C2orf76: variants seen among roughly 807,000 people sequenced by gnomAD.
C2orf76 encodes the protein chromosome 2 open reading frame 76.
In C2orf76, 23 loss-of-function variants were observed where a neutral mutation model predicts 16.9. That is an observed-to-expected ratio of 1.36 (90% CI 0.98 to 1.93). The LOEUF (loss-of-function observed/expected upper bound fraction) is 1.93, where lower values mean the gene tolerates loss of function less well. Ranked by LOEUF, C2orf76 falls within the 30% of genes most tolerant of loss-of-function variation. The pLI is 0.00. For synonymous variants in C2orf76, 48 were observed against 52.3 expected, an observed-to-expected ratio of 0.92 and a Z score of 0.35; for missense variants, 152 against 152.6, an observed-to-expected ratio of 1.00 and a Z score of 0.02.
chr2:119,352,910 A>G (rs1680449219), intron 1 of C2orf76, among the ~76,000 whole-genome samples: 1 of 152,212 alleles, frequency 6.6e-6, no homozygotes, highest in African/African-American at 2.4e-5. Context: ...CCAGTATCAC[A>G]GGGCAGAGAG....
intron 4 of C2orf76, among the ~76,000 whole-genome samples, chr2:119,315,453 G>C (rs1471434275): frequency 6.6e-6 from 1 of 152,174 alleles, no homozygotes; most frequent in Non-Finnish European, 1.5e-5. Context: ...GGCCAAGCCA[G>C]CAATGCCACA....
intron 5 of C2orf76, chr2:119,311,025 T>C (rs907976565): frequency 9.5e-5 from 41 of 431,388 alleles, no homozygotes; most frequent in African/African-American, 6.7e-4. Context: ...AGATCAGCTT[T>C]AGGTGTACAT....
the C2orf76 span, among the ~76,000 whole-genome samples, chr2:119,292,417 G>A: frequency 6.6e-6 from 1 of 152,122 alleles, no homozygotes; most frequent in Admixed American, 6.5e-5. Context: ...GACCGCCTCC[G>A]GGCATACGCA....
intron 1 of C2orf76, among the ~76,000 whole-genome samples, chr2:119,355,335 CTA>C (rs1266346382): frequency 6.6e-6 from 1 of 152,222 alleles, no homozygotes; most frequent in African/African-American, 2.4e-5. Flanking sequence ...TCATTCTGAA[CTA>C]TCTTTCAAGG....
At chr2:119,359,662 A>G (rs1680681660) in intron 1 of C2orf76, among the ~76,000 whole-genome samples, 1 of 152,198 alleles carries the variant, frequency 6.6e-6, no homozygotes, top group African/African-American at 2.4e-5. Flanking sequence ...TAGCAAGACA[A>G]CTAGAACTAG....
chr2:119,339,167 CAAGAAATCTG>C (rs2104602229), intron 2 of C2orf76: 1 of 152,288 alleles, frequency 6.6e-6, no homozygotes, highest in Admixed American at 6.5e-5. Flanking sequence ...TGGAACTATA[CAAGAAATCTG>C]CAGATTGCAC....
At chr2:119,308,154 C>T (rs1394440219) in intron 5 of C2orf76, among the ~76,000 whole-genome samples, 2 of 152,114 alleles carry the variant, frequency 1.3e-5, no homozygotes, top group Non-Finnish European at 2.9e-5. Context: ...CCTTTAATTA[C>T]AAGGAATACA....
chr2:119,306,635 C>T (rs998873255), intron 5 of C2orf76, among the ~76,000 whole-genome samples: 6 of 151,952 alleles, frequency 3.9e-5, no homozygotes, highest in Non-Finnish European at 8.8e-5. Flanking sequence ...AAAAAAAAAG[C>T]TTACATGTAA....
At chr2:119,325,424 T>C (rs1679477652) in intron 2 of C2orf76, among the ~76,000 whole-genome samples, 1 of 135,544 alleles carries the variant, frequency 7.4e-6, no homozygotes, top group South Asian at 2.3e-4. Flanking sequence ...CTTGCCATTG[T>C]ACTCCAGCCT....
downstream of C2orf76, among the ~76,000 whole-genome samples, chr2:119,301,843 A>G (rs1212254037): frequency 6.6e-6 from 1 of 152,072 alleles, no homozygotes. Context: ...TTTCTTCCTG[A>G]AGATGGAAAA....
At chr2:119,306,358 T>C (rs1028320180) in intron 5 of C2orf76, among the ~76,000 whole-genome samples, 1 of 151,982 alleles carries the variant, frequency 6.6e-6, no homozygotes, top group Non-Finnish European at 1.5e-5. Flanking sequence ...AGGGTTCCAG[T>C]TGGGGGCAGA....
intron 5 of C2orf76, among the ~76,000 whole-genome samples, chr2:119,305,945 A>AAC (rs1558774563): frequency 0.014 from 1,059 of 73,348 alleles, 11 homozygotes; most frequent in African/African-American, 0.039. Context: ...ACAACAACAA[A>AAC]AAAAAAAAAA....
At chr2:119,291,916 C>T in the C2orf76 span, among the ~76,000 whole-genome samples, 2 of 152,018 alleles carry the variant, frequency 1.3e-5, no homozygotes, top group Admixed American at 1.3e-4. Flanking sequence ...TGTTATCATC[C>T]CCACTTAACA....
intron 2 of C2orf76, among the ~76,000 whole-genome samples, chr2:119,321,717 T>G (rs1679349410): frequency 6.6e-6 from 1 of 152,172 alleles, no homozygotes; most frequent in Non-Finnish European, 1.5e-5. Context: ...ATCTAAAATA[T>G]TAGAGCTATT....
intron 1 of C2orf76, among the ~76,000 whole-genome samples, chr2:119,362,606 T>C (rs1445919081): frequency 1.3e-5 from 2 of 152,174 alleles, no homozygotes; most frequent in African/African-American, 2.4e-5. Flanking sequence ...ACTCAAGATA[T>C]TTTCATTATT....
chr2:119,296,103 A>G, the C2orf76 span, among the ~76,000 whole-genome samples: 1 of 152,208 alleles, frequency 6.6e-6, no homozygotes, highest in Non-Finnish European at 1.5e-5. Context: ...GAAATGACAA[A>G]TGTCGTGCCT....
At chr2:119,311,039 C>A (rs566493251) in intron 5 of C2orf76, 1 of 519,716 alleles carries the variant, frequency 1.9e-6, no homozygotes, top group Non-Finnish European at 2.5e-6. Flanking sequence ...TGTACATATA[C>A]GTAGAATAAC....
chr2:119,309,908 T>C (rs1678927205), intron 5 of C2orf76, among the ~76,000 whole-genome samples: 1 of 152,230 alleles, frequency 6.6e-6, no homozygotes, highest in Admixed American at 6.5e-5. Context: ...TATGAAATTA[T>C]TGAACTACAC....
At chr2:119,333,138 T>C (rs1679729892) in intron 2 of C2orf76, among the ~76,000 whole-genome samples, 1 of 152,224 alleles carries the variant, frequency 6.6e-6, no homozygotes, top group South Asian at 2.1e-4. Flanking sequence ...TAACAGTATG[T>C]TGAAGGAACT....
Sources: allele counts gnomAD v4.1 joint callset (sites outside exome capture counted in the v4.1 genomes callset), GRCh38; gene constraint gnomAD v4.1.1; transcripts MANE v1.5; gene names NCBI Gene and HGNC (gene_info 2026-07-23, HGNC 2026-07-21).